Variants in CDH20 observed in about 807,000 individuals in gnomAD.
The protein encoded by CDH20 is cadherin 20.
A neutral mutation model predicts 74.2 loss-of-function variants in CDH20; 29 were observed. That is an observed-to-expected ratio of 0.39 (90% CI 0.29 to 0.53). The LOEUF (loss-of-function observed/expected upper bound fraction) is 0.53, where lower values mean the gene tolerates loss of function less well. Ranked by LOEUF, CDH20 falls within the 20% of genes least tolerant of loss-of-function variation. CDH20 has a pLI of 0.69. For synonymous variants in CDH20, 469 were observed against 405.4 expected, an observed-to-expected ratio of 1.16 and a Z score of -1.88; for missense variants, 988 against 1,048.3, an observed-to-expected ratio of 0.94 and a Z score of 0.79.
At chr18:61,469,393 ACACACACACACC>A (rs1376973960) in intron 1 of CDH20, among the ~76,000 whole-genome samples, 1 of 150,588 alleles carries the variant, frequency 6.6e-6, no homozygotes, top group Admixed American at 6.6e-5. Context: ...ACACACACAC[ACACACACACACC>A]CCTATATAAA....
chr18:61,363,930 G>A (rs897244318), intron 1 of CDH20, among the ~76,000 whole-genome samples: 13 of 152,112 alleles, frequency 8.5e-5, no homozygotes, highest in African/African-American at 3.1e-4. Flanking sequence ...AGAATAGAGA[G>A]AATGAAAAGA....
intron 1 of CDH20, among the ~76,000 whole-genome samples, chr18:61,401,481 A>G (rs1912152890): frequency 6.6e-6 from 1 of 152,180 alleles, no homozygotes; most frequent in African/African-American, 2.4e-5. Context: ...GTATAGGATA[A>G]CAGGGAAACA....
intron 1 of CDH20, among the ~76,000 whole-genome samples, chr18:61,455,522 G>C (rs1170947564): frequency 2.0e-5 from 3 of 151,870 alleles, no homozygotes; most frequent in Admixed American, 2.0e-4. Context: ...TATGTTTTGG[G>C]TTTCTTCAAT....
Position 61,547,007 on chromosome 18 carries a change from A to G in CDH20, c.1648+1863A>G, listed in dbSNP as rs528234905. On this transcript the variant is annotated intron_variant, in intron 10 of 11. Coordinates refer to ENST00000262717, the MANE Select transcript of CDH20 (RefSeq NM_031891.4). ...AGAGTTCAAGACCAGCCTGGGCAAC[A>G]CAGCAAGACCCTATCTCTGAAAAAC... 3.9e-4 allele frequency among the ~76,000 whole-genome samples: 59 copies of G among 152,324 alleles called. 1 individual carries two copies. Among genetic ancestry groups the G allele is most frequent in the African/African-American group, 1.2e-3 (49 of 41,580 alleles).
chr18:61,382,938 A>C (rs956562662), intron 1 of CDH20, among the ~76,000 whole-genome samples: 1 of 152,168 alleles, frequency 6.6e-6, no homozygotes, highest in African/African-American at 2.4e-5. Flanking sequence ...CTCTGGCAGC[A>C]TGGGTTTGAA....
At chr18:61,455,910 G>C (rs761814552) in intron 1 of CDH20, among the ~76,000 whole-genome samples, 1 of 152,106 alleles carries the variant, frequency 6.6e-6, no homozygotes, top group Non-Finnish European at 1.5e-5. Flanking sequence ...AATTGTATAG[G>C]TAACAGCATC....
intron 1 of CDH20, among the ~76,000 whole-genome samples, chr18:61,420,231 A>G (rs1912828014): frequency 6.6e-6 from 1 of 152,164 alleles, no homozygotes; most frequent in African/African-American, 2.4e-5. Flanking sequence ...CTGTTCCATC[A>G]GCCCATTGAG....
rs1911685079 is a variant in CDH20 at position 61,509,029 on chromosome 18, GC to G, written c.1017+1470del. 2.0e-5 allele frequency among the ~76,000 whole-genome samples: 3 copies of G among 152,286 alleles called. No individual in the cohort carries two copies. The East Asian group carries it at 5.8e-4, about 29-fold the overall frequency. ...GTTATGTAGGAGCTAAGCTTTGAGG[GC>G]GTAAAGGCATAAGAATGATACAGTG... On this transcript the variant is annotated intron_variant, in intron 6 of 11. Transcript: ENST00000262717.
At chr18:61,472,981 T>A (rs918537414) in intron 1 of CDH20, among the ~76,000 whole-genome samples, 2 of 152,248 alleles carry the variant, frequency 1.3e-5, no homozygotes, top group African/African-American at 4.8e-5. Context: ...GGGTTAAGAC[T>A]GATTGCAGGA....
chr18:61,364,759 G>A (rs1910806832), intron 1 of CDH20, among the ~76,000 whole-genome samples: 1 of 152,202 alleles, frequency 6.6e-6, no homozygotes, highest in Non-Finnish European at 1.5e-5. Flanking sequence ...CTGAGGCTTG[G>A]CCCAGATGCC....
At chr18:61,345,081 A>T (rs1910070868) in intron 1 of CDH20, among the ~76,000 whole-genome samples, 1 of 152,218 alleles carries the variant, frequency 6.6e-6, no homozygotes. Flanking sequence ...TTAACTTTGC[A>T]AATTAAATCG....
At chr18:61,452,328 C>T (rs1012745633) in intron 1 of CDH20, among the ~76,000 whole-genome samples, 7 of 152,126 alleles carry the variant, frequency 4.6e-5, no homozygotes, top group Non-Finnish European at 8.8e-5. Flanking sequence ...TATCACAAAA[C>T]TCTTGCACCA....
At chr18:61,389,025 G>GCTC (rs1273224812) in intron 1 of CDH20, among the ~76,000 whole-genome samples, 3 of 152,116 alleles carry the variant, frequency 2.0e-5, no homozygotes, top group Non-Finnish European at 4.4e-5. Context: ...TGTAAATTTT[G>GCTC]CTCCGAGAAG....
intron 1 of CDH20, among the ~76,000 whole-genome samples, chr18:61,453,031 T>C (rs1271925639): frequency 6.6e-6 from 1 of 152,172 alleles, no homozygotes; most frequent in Non-Finnish European, 1.5e-5. Context: ...TGCACCCCAC[T>C]GCTAACTTCT....
intron 1 of CDH20, among the ~76,000 whole-genome samples, chr18:61,348,387 A>T (rs1910200781): frequency 6.6e-6 from 1 of 152,152 alleles, no homozygotes; most frequent in Non-Finnish European, 1.5e-5. Flanking sequence ...ATATTAAATT[A>T]CACTTGTGCA....
At chr18:61,428,234 A>G (rs1222231235) in intron 1 of CDH20, among the ~76,000 whole-genome samples, 1 of 152,146 alleles carries the variant, frequency 6.6e-6, no homozygotes, top group East Asian at 1.9e-4. Context: ...GGTGGTATAA[A>G]AATGGAATCT....
rs113560529 is a variant in CDH20 at position 61,405,735 on chromosome 18, C to T, written c.-153+71908C>T. ...TATCATTTGGGAACTTGTTAAAATG[C>T]AAATTCTTGGGTCCCAAGGCCTACA... On this transcript the variant is annotated intron_variant, in intron 1 of 11. Coordinates refer to ENST00000262717, the MANE Select transcript of CDH20 (RefSeq NM_031891.4). Among the ~76,000 whole-genome samples the T allele has an allele frequency of 3.3e-3, 507 of 152,302 alleles. 2 individuals are homozygous for T. The highest frequency in any genetic ancestry group is 0.011 in the African/African-American group (473 of 41,572).
chr18:61,405,554 T>C (rs1454499958), intron 1 of CDH20, among the ~76,000 whole-genome samples: 1 of 152,168 alleles, frequency 6.6e-6, no homozygotes, highest in Non-Finnish European at 1.5e-5. Flanking sequence ...ACCACTGCAC[T>C]CCAGGCTGGG....
In CDH20 at chr18:61,554,908, T is replaced by G; in HGVS notation, c.*213T>G. 7.3e-7 allele frequency: 1 copy of G among 1,376,416 alleles called. No individual in the cohort carries two copies. The highest frequency in any genetic ancestry group is 9.4e-7 in the Non-Finnish European group (1 of 1,066,784). The allele number at this position is 1,376,416 out of a possible 1,614,324, so 85.3% of individuals were successfully genotyped here. ...AGAAGGAAGAGGGCAGAATCTTTAA[T>G]TACCTTTTTTTCTTTTCTTTTTGAT... On this transcript the variant is annotated 3_prime_UTR_variant, in exon 12 of 12. Coordinates refer to ENST00000262717, the MANE Select transcript of CDH20 (RefSeq NM_031891.4).
Sources: allele counts gnomAD v4.1 joint callset (sites outside exome capture counted in the v4.1 genomes callset), GRCh38; gene constraint gnomAD v4.1.1; transcripts MANE v1.5; gene names NCBI Gene and HGNC (gene_info 2026-07-23, HGNC 2026-07-21).